Variants in ENOX1 observed in about 807,000 individuals in gnomAD.
The protein encoded by ENOX1 is ecto-NOX disulfide-thiol exchanger 1, also known as candidate growth-related and time keeping constitutive hydroquinone (NADH) oxidase.
Under a neutral mutation model 82.5 loss-of-function variants are expected in ENOX1, and 42 were observed. That is an observed-to-expected ratio of 0.51 (90% confidence interval 0.40 to 0.66). ENOX1 has a LOEUF of 0.66. Ranked by LOEUF, ENOX1 falls within the 30% of genes least tolerant of loss-of-function variation. ENOX1 has a pLI of 0.00. For missense variants in ENOX1, 608 were observed against 811.6 expected, an observed-to-expected ratio of 0.75 and a Z score of 3.05; for synonymous variants, 271 against 282.2, an observed-to-expected ratio of 0.96 and a Z score of 0.40.
intron 2 of ENOX1, among the ~76,000 whole-genome samples, chr13:43,622,339 A>T (rs1235630386): frequency 6.6e-6 from 1 of 152,112 alleles, no homozygotes; most frequent in Non-Finnish European, 1.5e-5. Context: ...TCATATTACC[A>T]GGGTTGTTTT....
At chr13:43,502,288 A>G (rs962090586) in intron 2 of ENOX1, among the ~76,000 whole-genome samples, 9 of 151,708 alleles carry the variant, frequency 5.9e-5, no homozygotes, top group African/African-American at 2.2e-4. Context: ...GAATTCTATC[A>G]AACATTTAAA....
intron 5 of ENOX1, among the ~76,000 whole-genome samples, chr13:43,392,850 T>C (rs2052879612): frequency 6.6e-6 from 1 of 152,232 alleles, no homozygotes; most frequent in Admixed American, 6.5e-5. Context: ...TATGAATTTG[T>C]TTTTTTCATT....
chr13:43,623,077 C>A (rs756800712), intron 2 of ENOX1, among the ~76,000 whole-genome samples: 5 of 152,130 alleles, frequency 3.3e-5, no homozygotes, highest in African/African-American at 1.2e-4. Flanking sequence ...AGCTCCCACA[C>A]AAACCGAAGG....
intron 1 of ENOX1, among the ~76,000 whole-genome samples, chr13:43,677,439 C>T (rs2085563618): frequency 1.3e-5 from 2 of 152,186 alleles, no homozygotes; most frequent in South Asian, 4.1e-4. Flanking sequence ...AAGCAGGAGG[C>T]TGTAGAGTGC....
At chr13:43,643,768 G>T (rs574673113) in intron 2 of ENOX1, among the ~76,000 whole-genome samples, 7 of 152,044 alleles carry the variant, frequency 4.6e-5, no homozygotes, top group African/African-American at 1.7e-4. Context: ...AGCAAATCAA[G>T]ATTACATACC....
chr13:43,322,326 C>G (rs2047856335), intron 11 of ENOX1, 58 bp downstream of exon 11: 1 of 1,354,858 alleles, frequency 7.4e-7, no homozygotes, highest in East Asian at 2.3e-5. Context: ...TATTCCCCAT[C>G]TGAGATTTGG....
intron 2 of ENOX1, among the ~76,000 whole-genome samples, chr13:43,529,319 T>C (rs986522337): frequency 1.3e-5 from 2 of 152,022 alleles, no homozygotes; most frequent in Non-Finnish European, 2.9e-5. Context: ...TGTATCTCAG[T>C]GCTACTGTTA....
At chr13:43,704,863 G>A (rs1049587205) in intron 1 of ENOX1, among the ~76,000 whole-genome samples, 3 of 152,112 alleles carry the variant, frequency 2.0e-5, no homozygotes, top group African/African-American at 2.4e-5. Flanking sequence ...CAGATAGTGG[G>A]GGCTTGGCAA....
chr13:43,565,668 A>T (rs1278069540), intron 2 of ENOX1, among the ~76,000 whole-genome samples: 2 of 152,182 alleles, frequency 1.3e-5, no homozygotes, highest in Non-Finnish European at 2.9e-5. Context: ...ATAAGGAAAG[A>T]TTCTTGCCTT....
chr13:43,263,570 T>C (rs1240195757), intron 14 of ENOX1, among the ~76,000 whole-genome samples: 1 of 152,246 alleles, frequency 6.6e-6, no homozygotes, highest in African/African-American at 2.4e-5. Context: ...AGATACTGTG[T>C]TAGGCCTGTC....
At chr13:43,641,840 A>C in intron 2 of ENOX1, among the ~76,000 whole-genome samples, 1 of 152,112 alleles carries the variant, frequency 6.6e-6, no homozygotes, top group East Asian at 1.9e-4. Flanking sequence ...GCCACTTTTT[A>C]AATTTTTTTA....
chr13:43,710,311 AAAC>A (rs2087603613), intron 1 of ENOX1, among the ~76,000 whole-genome samples: 2 of 152,318 alleles, frequency 1.3e-5, no homozygotes, highest in Admixed American at 1.3e-4. Flanking sequence ...TGACATTAGA[AAAC>A]ATATGAAAGT....
chr13:43,451,519 G>A (rs1257942271), intron 3 of ENOX1, among the ~76,000 whole-genome samples: 4 of 152,040 alleles, frequency 2.6e-5, no homozygotes, highest in Non-Finnish European at 4.4e-5. Flanking sequence ...AAATCAGAAT[G>A]GTACTTATTG....
At chr13:43,406,836 T>C (rs1420272565) in intron 5 of ENOX1, among the ~76,000 whole-genome samples, 1 of 152,062 alleles carries the variant, frequency 6.6e-6, no homozygotes, top group Non-Finnish European at 1.5e-5. Context: ...ATAGCACAAA[T>C]GGCATGCTAA....
intron 2 of ENOX1, among the ~76,000 whole-genome samples, chr13:43,577,726 A>G (rs182160624): frequency 6.6e-6 from 1 of 152,320 alleles, no homozygotes. Flanking sequence ...ATTTTGGAGG[A>G]GTCCTCCAGA....
intron 2 of ENOX1, among the ~76,000 whole-genome samples, chr13:43,557,106 C>T (rs910336658): frequency 3.3e-5 from 5 of 152,174 alleles, no homozygotes; most frequent in Non-Finnish European, 5.9e-5. Context: ...CACCCCAACA[C>T]GCAGGAAAGA....
At chr13:43,537,651 T>G (rs553987845) in intron 2 of ENOX1, among the ~76,000 whole-genome samples, 23 of 152,332 alleles carry the variant, frequency 1.5e-4, no homozygotes, top group Admixed American at 6.5e-4. Flanking sequence ...CACTGAAAAT[T>G]AATAAGCTCT....
chr13:43,786,822 T>TGCGGCCGCC lies in ENOX1; in HGVS notation c.-456_-455insGGCGGCCGC. 1 of 152,320 alleles carries TGCGGCCGCC rather than the reference T, an allele frequency of 6.6e-6. No individual in the cohort carries two copies. Among genetic ancestry groups the TGCGGCCGCC allele is most frequent in the Admixed American group, 6.5e-5 (1 of 15,280 alleles). 9.4% of individuals were successfully genotyped at this position (152,320 alleles called of 1,614,324 possible). ...GGGCTGCAGTCGCCGTTCCCTCTGC[T>TGCGGCCGCC]GCCGCCGCCGCTGCAGCAGACAGAG... On this transcript the variant is annotated 5_prime_UTR_variant, in exon 1 of 17. Transcript: ENST00000690772. The surrounding 1 kb of genome is among the most constrained non-coding windows in gnomAD (Gnocchi z 6.0).
At chr13:43,586,134 T>C (rs1022240549) in intron 2 of ENOX1, among the ~76,000 whole-genome samples, 1 of 152,176 alleles carries the variant, frequency 6.6e-6, no homozygotes, top group African/African-American at 2.4e-5. Context: ...TGTGGCTCCT[T>C]ACTGTTCTCC....
Sources: allele counts gnomAD v4.1 joint callset (sites outside exome capture counted in the v4.1 genomes callset), GRCh38; gene constraint gnomAD v4.1.1; non-coding constraint Gnocchi (gnomAD v3.1); transcripts MANE v1.5; gene names NCBI Gene and HGNC (gene_info 2026-07-23, HGNC 2026-07-21).